The following ATP2B2 variants were observed in gnomAD, a reference collection of about 807,000 sequenced individuals.
The protein encoded by ATP2B2 is plasma membrane calcium-transporting ATPase 2.
ATP2B2 carries 15 observed loss-of-function variants against 120.0 expected under a neutral mutation model. The ratio of observed to expected loss-of-function variants is 0.12; its 90% CI spans 0.08 to 0.19. The LOEUF (loss-of-function observed/expected upper bound fraction) is 0.19. Among genes scored for constraint, ATP2B2 ranks in the 10% least tolerant of loss-of-function variants. ATP2B2 has a pLI of 1.00. For missense variants in ATP2B2, 1,045 were observed against 1,719.8 expected (o/e 0.61, Z 6.94); for synonymous variants, 694 against 700.3 (o/e 0.99, Z 0.14).
intron 2 of ATP2B2, among the ~76,000 whole-genome samples, chr3:10,589,526 C>T (rs879472834): frequency 2.0e-5 from 3 of 152,180 alleles, no homozygotes; most frequent in African/African-American, 4.8e-5. Flanking sequence ...TGAAGAATGG[C>T]GCTGTGGGAC....
chr3:10,527,503 G>T (rs2067121526), intron 3 of ATP2B2, among the ~76,000 whole-genome samples: 1 of 152,184 alleles, frequency 6.6e-6, no homozygotes, highest in Admixed American at 6.5e-5. Flanking sequence ...TGAGGCCAGA[G>T]ACAGTCCCTC....
intron 1 of ATP2B2, among the ~76,000 whole-genome samples, chr3:10,668,377 G>C (rs2071003050): frequency 6.6e-6 from 1 of 152,216 alleles, no homozygotes; most frequent in African/African-American, 2.4e-5. Flanking sequence ...ACTGCCCCGT[G>C]CTTGAGAAGT....
chr3:10,701,525 T>G (rs1575634604), intron 1 of ATP2B2, among the ~76,000 whole-genome samples: 1 of 152,346 alleles, frequency 6.6e-6, no homozygotes, highest in Non-Finnish European at 1.5e-5. Context: ...TCGTTGTTGT[T>G]GAGGAGTGAC....
intron 1 of ATP2B2, among the ~76,000 whole-genome samples, chr3:10,677,901 G>A (rs2071283508): frequency 6.6e-6 from 1 of 152,184 alleles, no homozygotes; most frequent in Admixed American, 6.5e-5. Context: ...CCTGCTCTAA[G>A]TACTTCTCTT....
intron 15 of ATP2B2, 32 bp from the exon 16 acceptor site, chr3:10,350,231 T>TGGGG: frequency 1.2e-5 from 6 of 487,106 alleles, no homozygotes; most frequent in Admixed American, 1.1e-4. Flanking sequence ...GGCGGGTCGG[T>TGGGG]GGGGTCGGGG....
intron 1 of ATP2B2, among the ~76,000 whole-genome samples, chr3:10,460,012 C>A (rs1037817940): frequency 6.6e-6 from 1 of 152,226 alleles, no homozygotes; most frequent in South Asian, 2.1e-4. Flanking sequence ...GGTTCTTCTG[C>A]GGTCAGTATT....
At chr3:10,418,604 G>T (rs1337932374) in intron 2 of ATP2B2, among the ~76,000 whole-genome samples, 1 of 152,184 alleles carries the variant, frequency 6.6e-6, no homozygotes, top group Non-Finnish European at 1.5e-5. Context: ...CCATGGGGCT[G>T]CACGTCTTTA....
chr3:10,541,218 C>T (rs1237536040), intron 2 of ATP2B2, among the ~76,000 whole-genome samples: 1 of 152,064 alleles, frequency 6.6e-6, no homozygotes, highest in Non-Finnish European at 1.5e-5. Context: ...AAAGAAATAT[C>T]TCTGTGTTTC....
At chr3:10,650,358 A>C (rs1047318898) in intron 1 of ATP2B2, among the ~76,000 whole-genome samples, 3 of 152,182 alleles carry the variant, frequency 2.0e-5, no homozygotes, top group Admixed American at 2.0e-4. Flanking sequence ...TGAACTTGAG[A>C]GAGACGATTT....
At chr3:10,707,380 T>A (rs980753315) in intron 1 of ATP2B2, among the ~76,000 whole-genome samples, 2 of 152,178 alleles carry the variant, frequency 1.3e-5, no homozygotes, top group African/African-American at 4.8e-5. Context: ...TCCTGGCTCC[T>A]GTGCTCTTAG....
intron 3 of ATP2B2, among the ~76,000 whole-genome samples, chr3:10,511,288 A>G (rs1397327757): frequency 1.3e-5 from 2 of 151,908 alleles, no homozygotes; most frequent in African/African-American, 4.8e-5. Flanking sequence ...CCCATGCCCC[A>G]AGAAGAGTTT....
At chr3:10,631,841 T>C (rs1297729851) in intron 1 of ATP2B2, among the ~76,000 whole-genome samples, 2 of 152,252 alleles carry the variant, frequency 1.3e-5, no homozygotes, top group East Asian at 3.8e-4. Context: ...AGATTTAACA[T>C]AGCTTGCTGC....
chr3:10,401,044 C>T lies in ATP2B2; in HGVS notation c.690G>A (p.Gln230=), dbSNP rs994426056. ...TTTCATCAATCTTGAGGTCATTGCC[C>T]TGGATGAAGAGGCCGTCGGCAGGGA... ...DLLPADGLFI[Q]GNDLKIDESS... The change falls in exon 5 of 23, where the codon CAG becomes CAA. Residue 230 remains glutamine, a synonymous_variant. Transcript: ENST00000360273. 4 of 1,614,000 alleles carry T rather than the reference C, an allele frequency of 2.5e-6. No individual in the cohort carries two copies. The Admixed American group carries it at 5.0e-5, about 20-fold the overall frequency.
At chr3:10,535,385 A>ATGTGTGTGTGTGTGTGTG (rs34707434) in intron 2 of ATP2B2, among the ~76,000 whole-genome samples, 21 of 147,158 alleles carry the variant, frequency 1.4e-4, no homozygotes, top group African/African-American at 5.3e-4. Context: ...CAGCAGTTTG[A>ATGTGTGTGTGTGTGTGTG]TGTGTGTGTG....
At chr3:10,548,925 G>A (rs982279400) in intron 2 of ATP2B2, among the ~76,000 whole-genome samples, 13 of 152,194 alleles carry the variant, frequency 8.5e-5, no homozygotes, top group Non-Finnish European at 1.5e-5. Flanking sequence ...ACATATGCCA[G>A]GAAGATGGAA....
chr3:10,336,215 T>A, intron 22 of ATP2B2: 1 of 1,550,602 alleles, frequency 6.4e-7, no homozygotes, highest in South Asian at 1.2e-5. Context: ...ATTGGCTACA[T>A]CCTGGCTCTG....
At chr3:10,581,915 C>G (rs2068399505) in intron 2 of ATP2B2, among the ~76,000 whole-genome samples, 1 of 152,188 alleles carries the variant, frequency 6.6e-6, no homozygotes, top group Non-Finnish European at 1.5e-5. Context: ...TAGGTAAACA[C>G]AGAGCACAAA....
chr3:10,541,339 G>T (rs1344240064), intron 2 of ATP2B2, among the ~76,000 whole-genome samples: 1 of 151,600 alleles, frequency 6.6e-6, no homozygotes, highest in Non-Finnish European at 1.5e-5. Context: ...TCCTTTTCTG[G>T]CTTCTCAAAG....
intron 22 of ATP2B2, among the ~76,000 whole-genome samples, chr3:10,335,733 A>G (rs26799): frequency 0.74 from 111,983 of 152,116 alleles, 42,509 homozygotes; most frequent in East Asian, 1. Context: ...TTGGTGGTCC[A>G]GGCTTTTCCT....
Sources: gnomAD v4.1 joint callset for allele counts (sites outside exome capture counted in the v4.1 genomes callset) on GRCh38, gnomAD v4.1.1 for gene constraint, MANE v1.5 for transcripts, NCBI Gene and HGNC (gene_info 2026-07-23, HGNC 2026-07-21) for gene names.